GNA14: variants seen among roughly 807,000 people sequenced by gnomAD.
The protein encoded by GNA14 is guanine nucleotide-binding protein subunit alpha-14.
GNA14 carries 50 observed loss-of-function variants against 42.0 expected under a neutral mutation model. That is an observed-to-expected ratio of 1.19 (90% CI 0.95 to 1.51). The LOEUF is 1.51. GNA14 is among the 40% of genes most tolerant of loss of function. The probability of loss-of-function intolerance (pLI) is 0.00; values close to 1 mark genes in which losing one functional copy is unlikely to be tolerated. For synonymous variants in GNA14, 173 were observed against 163.1 expected (o/e 1.06, Z -0.46); for missense variants, 473 against 446.2 (o/e 1.06, Z -0.54).
rs905692788 is a variant in GNA14 at position 77,464,325 on chromosome 9, A to G, written c.310-29803T>C. Among the ~76,000 whole-genome samples the G allele has an allele frequency of 3.4e-4, 50 of 145,092 alleles. No homozygotes were observed. The East Asian group carries it at 8.5e-3, about 25-fold the overall frequency. ...CATGTGTGTATGTGAGAGTGTGTGTATATATATGTGTGTGTGTGTGTGTAT... is the reference window on the plus strand; with the variant it reads ...CATGTGTGTATGTGAGAGTGTGTGTGTATATATGTGTGTGTGTGTGTGTAT... On this transcript the variant is annotated intron_variant, in intron 2 of 6. Transcript: ENST00000341700.
At chr9:77,605,042 T>C (rs1352051158) in intron 1 of GNA14, among the ~76,000 whole-genome samples, 5 of 152,258 alleles carry the variant, frequency 3.3e-5, no homozygotes, top group African/African-American at 4.8e-5. Flanking sequence ...TTTGCCTTCA[T>C]GTTCTAGACA....
chr9:77,562,828 C>T lies in GNA14; in HGVS notation c.125-33575G>A, dbSNP rs142395381. Among the ~76,000 whole-genome samples, 971 of 152,174 alleles carry T rather than the reference C, an allele frequency of 6.4e-3. 13 individuals carry two copies. Among genetic ancestry groups the T allele is most frequent in the African/African-American group, 0.022 (919 of 41,524 alleles). On this transcript the variant is annotated intron_variant, in intron 1 of 6. Transcript: ENST00000341700. ...ATTAAGTCATCCTCTACCCTGATCC[C>T]TAGTATTTACTATGAAATGCTGGGT...
chr9:77,518,721 ATCT>A (rs1363228774), intron 2 of GNA14, among the ~76,000 whole-genome samples: 1 of 152,230 alleles, frequency 6.6e-6, no homozygotes, highest in East Asian at 1.9e-4. Context: ...AAAATCAGTC[ATCT>A]TCTTATCTTT....
intron 1 of GNA14, chr9:77,580,327 G>A (rs1352178991): frequency 8.8e-6 from 3 of 338,990 alleles, no homozygotes; most frequent in East Asian, 7.3e-5. Context: ...GATACAACCC[G>A]AATAGGTACA....
At chr9:77,484,612 A>T (rs563176747) in intron 2 of GNA14, among the ~76,000 whole-genome samples, 29 of 152,234 alleles carry the variant, frequency 1.9e-4, no homozygotes, top group South Asian at 1.2e-3. Context: ...TTTTCATTTT[A>T]TATCTTGTAG....
chr9:77,481,398 A>C (rs1210619466), intron 2 of GNA14, among the ~76,000 whole-genome samples: 4 of 152,208 alleles, frequency 2.6e-5, no homozygotes, highest in Non-Finnish European at 4.4e-5. Flanking sequence ...GTTTGATTGC[A>C]CTATGGTCTG....
chr9:77,566,076 C>T (rs1403867342), intron 1 of GNA14, among the ~76,000 whole-genome samples: 1 of 151,742 alleles, frequency 6.6e-6, no homozygotes, highest in African/African-American at 2.4e-5. Flanking sequence ...CCCCAAATAT[C>T]ACCGGTGCTG....
At chr9:77,446,010 G>A (rs551613642) in intron 2 of GNA14, among the ~76,000 whole-genome samples, 6 of 152,298 alleles carry the variant, frequency 3.9e-5, no homozygotes, top group Admixed American at 3.9e-4. Flanking sequence ...CTGGGAGGAC[G>A]ACAGGGTTTA....
chr9:77,647,009 A>T (rs555973090), intron 1 of GNA14, among the ~76,000 whole-genome samples: 1 of 152,212 alleles, frequency 6.6e-6, no homozygotes, highest in Non-Finnish European at 1.5e-5. Flanking sequence ...CGCTGCAAAC[A>T]CAAAGGCCTG....
chr9:77,583,971 G>A (rs1313371733), intron 1 of GNA14, among the ~76,000 whole-genome samples: 1 of 152,150 alleles, frequency 6.6e-6, no homozygotes, highest in Non-Finnish European at 1.5e-5. Flanking sequence ...TGAATTTTAG[G>A]TTATATTTGT....
At chr9:77,565,102 T>G (rs993803554) in intron 1 of GNA14, among the ~76,000 whole-genome samples, 8 of 152,246 alleles carry the variant, frequency 5.3e-5, no homozygotes, top group African/African-American at 1.9e-4. Context: ...TGTAGTTCTC[T>G]GTTTTATTAC....
chr9:77,424,165 C>T lies in GNA14; in HGVS notation c.882G>A (p.Pro294=), dbSNP rs554426439. ...LISYFPEYTG[P]KQDVRAARDF... ...CTCTGGCAGCTCTGACATCCTGTTT[C>T]GGTCCTAGTCACAAGTGCAATTACA... Residue 294 remains proline (P), a synonymous_variant, in exon 7 of 7, where the codon CCG becomes CCA. Coordinates refer to ENST00000341700, the MANE Select transcript of GNA14 (RefSeq NM_004297.4). 1.0e-5 allele frequency: 16 copies of T among 1,602,746 alleles called. No individual in the cohort carries two copies. Among genetic ancestry groups the T allele is most frequent in the Middle Eastern group, 1.7e-4 (1 of 6,032 alleles).
In GNA14 at chr9:77,531,629, A is replaced by G. The variant is rs73460035; in HGVS notation, c.125-2376T>C. ...CACATTGTGAAGCTGATGTGAATGC[A>G]GAGATTATGTAATCACCTCAAGACA... On this transcript the variant is annotated intron_variant, in intron 1 of 6. Coordinates refer to ENST00000341700, the MANE Select transcript of GNA14 (RefSeq NM_004297.4). Among the ~76,000 whole-genome samples, 616 of 152,300 alleles carry G rather than the reference A, an allele frequency of 4.0e-3. 3 individuals carry two copies. Among genetic ancestry groups the G allele is most frequent in the African/African-American group, 0.014 (589 of 41,560 alleles).
intron 2 of GNA14, among the ~76,000 whole-genome samples, chr9:77,527,425 C>T (rs1837457860): frequency 6.6e-6 from 1 of 152,170 alleles, no homozygotes; most frequent in African/African-American, 2.4e-5. Flanking sequence ...ACAGTGCAGC[C>T]CAGGACAGTT....
chr9:77,588,712 G>T (rs1290996023), intron 1 of GNA14, among the ~76,000 whole-genome samples: 3 of 152,172 alleles, frequency 2.0e-5, no homozygotes, highest in Admixed American at 6.5e-5. Flanking sequence ...CCCCTTCTTT[G>T]TCAGGTGACA....
chr9:77,611,015 A>T (rs1823720972), intron 1 of GNA14, among the ~76,000 whole-genome samples: 1 of 152,172 alleles, frequency 6.6e-6, no homozygotes, highest in Non-Finnish European at 1.5e-5. Context: ...GGAGGGGTAG[A>T]AAGATAGGAA....
chr9:77,571,960 T>C (rs950847645), intron 1 of GNA14, among the ~76,000 whole-genome samples: 4 of 152,136 alleles, frequency 2.6e-5, no homozygotes, highest in Non-Finnish European at 5.9e-5. Flanking sequence ...CATAAGAGAA[T>C]CTGTGTTTTC....
At chr9:77,481,502 G>T (rs1836551571) in intron 2 of GNA14, among the ~76,000 whole-genome samples, 1 of 152,118 alleles carries the variant, frequency 6.6e-6, no homozygotes, top group African/African-American at 2.4e-5. Context: ...TTGTGGTGTG[G>T]TGCTGAAAAA....
rs948874284 is a variant in GNA14 at position 77,563,471 on chromosome 9, G to A, written c.125-34218C>T. On this transcript the variant is annotated intron_variant, in intron 1 of 6. Transcript: ENST00000341700. ...ATTTGTTTCATTTTTAAGTACAGAG[G>A]TCAATGATGGAGAAATGTAAGAGAA... 4.6e-5 allele frequency among the ~76,000 whole-genome samples: 7 copies of A among 152,264 alleles called. No individual in the cohort carries two copies. The East Asian group carries it at 1.2e-3, about 25-fold the overall frequency.
Sources: allele counts gnomAD v4.1 joint callset (sites outside exome capture counted in the v4.1 genomes callset), GRCh38; gene constraint gnomAD v4.1.1; transcripts MANE v1.5; gene names NCBI Gene and HGNC (gene_info 2026-07-23, HGNC 2026-07-21).